Variants in TWNK observed in about 807,000 individuals in gnomAD.
The protein encoded by TWNK is twinkle mtDNA helicase, also known as T7 gp4-like protein with intramitochondrial nucleoid localization.
A neutral mutation model predicts 58.2 loss-of-function variants in TWNK; 36 were observed. The ratio of observed to expected loss-of-function variants is 0.62; its 90% CI spans 0.47 to 0.82. The LOEUF (loss-of-function observed/expected upper bound fraction) is 0.82, where lower values mean the gene tolerates loss of function less well. Among genes scored for constraint, TWNK ranks in the 40% least tolerant of loss-of-function variants. The pLI is 0.00. For missense variants in TWNK, 714 were observed against 881.0 expected, an observed-to-expected ratio of 0.81 and a Z score of 2.40; for synonymous variants, 349 against 348.5, an observed-to-expected ratio of 1.00 and a Z score of -0.02.
In TWNK at chr10:100,989,544, G is replaced by T; in HGVS notation, c.1243+91G>T. 1 of 1,609,450 alleles carries T rather than the reference G, an allele frequency of 6.2e-7. No homozygotes were observed. The highest frequency in any genetic ancestry group is 8.5e-7 in the Non-Finnish European group (1 of 1,178,402). On this transcript the variant is annotated intron_variant, in intron 1 of 4. Transcript: ENST00000311916. The surrounding 1 kb of genome is among the most constrained non-coding windows in gnomAD (Gnocchi z 7.6). ...GTTTGGGCCATGACAATGTTGAAAA[G>T]AAGGTTGGCCCTTTCCCCCCAGTTT...
At chr10:100,992,375 G>T (rs762210445) in intron 4 of TWNK, among the ~76,000 whole-genome samples, 1 of 149,442 alleles carries the variant, frequency 6.7e-6, no homozygotes, top group African/African-American at 2.5e-5. Context: ...CACCACACCC[G>T]CCTAATTTTT....
At chr10:100,991,706 G>A (rs570845899) in intron 4 of TWNK, among the ~76,000 whole-genome samples, 1 of 152,072 alleles carries the variant, frequency 6.6e-6, no homozygotes, top group African/African-American at 2.4e-5. Flanking sequence ...GTGAGACCCT[G>A]TCTCTACAAA....
In TWNK at chr10:100,993,590, T is replaced by C. The variant is rs1851847000; in HGVS notation, c.*80T>C. On this transcript the variant is annotated 3_prime_UTR_variant, in exon 5 of 5. Transcript: ENST00000311916. ...AAACTCTGCAAGGGCTCCTCTATCC[T>C]GTGGTCCTGAGCTGTGTGCCCTTCT... 6 of 1,488,136 alleles carry C rather than the reference T, an allele frequency of 4.0e-6. No individual in the cohort carries two copies. In the South Asian group the frequency reaches 7.0e-5, roughly 17 times the overall value. 92.2% of individuals were successfully genotyped at this position (1,488,136 alleles called of 1,614,324 possible).
Position 100,988,153 on chromosome 10 carries a change from G to A in TWNK, c.-58G>A. ...ATCCCTAGAGTTTGGTCTAGTGAAG[G>A]CACGCTAACCAGGCACCTAAGGCAT... is the stretch of plus-strand genomic sequence containing the variant. On this transcript the variant is annotated 5_prime_UTR_variant, in exon 1 of 5. Transcript: ENST00000311916. The surrounding 1 kb of genome is among the most constrained non-coding windows in gnomAD (Gnocchi z 5.2). The A allele has an allele frequency of 6.3e-7, 1 of 1,596,058 alleles. No individual in the cohort carries two copies. Among genetic ancestry groups the A allele is most frequent in the Non-Finnish European group, 8.6e-7 (1 of 1,165,308 alleles).
At position 100,988,032 on chromosome 10, in the gene TWNK, T is replaced by C; in HGVS notation, c.-179T>C. 8.2e-6 allele frequency: 6 copies of C among 733,436 alleles called. No individual in the cohort carries two copies. The Admixed American group carries it at 1.2e-4, about 15-fold the overall frequency. The allele number at this position is 733,436 out of a possible 1,614,324, so 45.4% of individuals were successfully genotyped here. On this transcript the variant is annotated 5_prime_UTR_variant, in exon 1 of 5. Transcript: ENST00000311916. The surrounding 1 kb of genome is among the most constrained non-coding windows in gnomAD (Gnocchi z 5.2). ...CGCGAAAGGGTCGTGTAGATGGGCATATGTGTGAAGCAGCAACGTAGAGGG... is the reference window on the plus strand; with the variant it reads ...CGCGAAAGGGTCGTGTAGATGGGCACATGTGTGAAGCAGCAACGTAGAGGG...
Position 100,990,888 on chromosome 10 carries a change from A to G in TWNK, c.1612A>G (p.Ile538Val), listed in dbSNP as rs1851752347. The part of the protein sequence containing the change: ...STDRIAAQDY[I>V]IGVFRKFATD... ...GCGTAGGATCGCAGCTCAAGACTAC[A>G]TCATCGGGGTCTTTCGGAAGTTTGC... The change falls in exon 4 of 5, where the codon ATC becomes GTC. Residue 538 changes from isoleucine (I) to valine (V), a missense_variant. This residue lies in a region of TWNK where 302 missense variants were observed against 438.6 expected (regional missense o/e 0.69). Transcript: ENST00000311916. 1.9e-6 allele frequency: 3 copies of G among 1,614,154 alleles called. No homozygotes were observed. In the African/African-American group the frequency reaches 4.0e-5, roughly 22 times the overall value.
At position 100,988,721 on chromosome 10, in the gene TWNK, G is replaced by C. The variant is rs2133935927; in HGVS notation, c.511G>C (p.Glu171Gln). 3 of 1,614,178 alleles carry C rather than the reference G, an allele frequency of 1.9e-6. No homozygotes were observed. Among genetic ancestry groups the C allele is most frequent in the East Asian group, 4.5e-5 (2 of 44,892 alleles). ...AIPLWELPDQ[E>Q]EVQLADTMFG... The stretch of plus-strand genomic sequence containing the variant: ...ACCTCTCTGGGAGCTGCCTGATCAG[G>C]AGGAGGTTCAGCTGGCTGATACAAT... The change falls in exon 1 of 5, where the codon GAG becomes CAG. Residue 171 changes from glutamate to glutamine, a missense_variant. Glu to Gln is a conservative substitution (Grantham distance 29). This residue lies in a region of TWNK where 348 missense variants were observed against 388.4 expected (regional missense o/e 0.90). Coordinates refer to ENST00000311916, the MANE Select transcript of TWNK (RefSeq NM_021830.5). The surrounding 1 kb of genome is among the most constrained non-coding windows in gnomAD (Gnocchi z 5.2).
chr10:100,990,801 T>A, intron 3 of TWNK, 68 bp from the exon 4 acceptor site: 2 of 1,595,632 alleles, frequency 1.3e-6, no homozygotes, highest in Non-Finnish European at 1.7e-6. Context: ...TGTGAATGGA[T>A]CAAGAGTATG....
Position 100,988,413 on chromosome 10 carries a change from G to C in TWNK, c.203G>C (p.Gly68Ala). Residue 68 changes from glycine to alanine, a missense_variant, in exon 1 of 5, where the codon GGG becomes GCG. Coordinates refer to ENST00000311916, the MANE Select transcript of TWNK (RefSeq NM_021830.5). The surrounding 1 kb of genome is among the most constrained non-coding windows in gnomAD (Gnocchi z 5.2). ...ATCCGCCAGTATTTGCGGGGGCATG[G>C]GATCCCCTTCCAGGATGGTCACAGT... ...TEIRQYLRGH[G>A]IPFQDGHSCL... 1 of 1,614,262 alleles carries C rather than the reference G, an allele frequency of 6.2e-7. No individual in the cohort carries two copies.
intron 4 of TWNK, among the ~76,000 whole-genome samples, chr10:100,992,313 A>C (rs1279304746): frequency 7.1e-6 from 1 of 140,938 alleles, no homozygotes; most frequent in African/African-American, 2.6e-5. Context: ...TCCCAGGTTC[A>C]AGTGATTCTC....
Position 100,989,223 on chromosome 10 carries a change from A to G in TWNK, c.1013A>G (p.Gln338Arg). 6.2e-7 allele frequency: 1 copy of G among 1,614,172 alleles called. No homozygotes were observed. Among genetic ancestry groups the G allele is most frequent in the Non-Finnish European group, 8.5e-7 (1 of 1,180,024 alleles). ...KRCFLVRPGD[Q>R]QPRPLEALNG... ...TGCTTCTTGGTGCGACCAGGAGACC[A>G]GCAACCCCGTCCCCTGGAGGCCCTG... is the stretch of plus-strand genomic sequence containing the variant. Residue 338 changes from glutamine to arginine, a missense_variant, in exon 1 of 5, where the codon CAG becomes CGG. By Grantham distance (43) the Gln-to-Arg change is conservative. Coordinates refer to ENST00000311916, the MANE Select transcript of TWNK (RefSeq NM_021830.5). The surrounding 1 kb of genome is among the most constrained non-coding windows in gnomAD (Gnocchi z 7.6).
Position 100,990,588 on chromosome 10 carries a change from A to C in TWNK, c.1592+45A>C, listed in dbSNP as rs201226725. ...TTGTCTAGCTTGAGCCCGCTTGGACATACAACACACACTTCTCAGGCAGCT... is the reference window on the plus strand; with the variant it reads ...TTGTCTAGCTTGAGCCCGCTTGGACCTACAACACACACTTCTCAGGCAGCT... On this transcript the variant is annotated intron_variant, in intron 3 of 4. Transcript: ENST00000311916. The C allele has an allele frequency of 6.9e-5, 112 of 1,613,356 alleles. 1 individual carries two copies. In the African/African-American group the frequency reaches 1.3e-3, roughly 18 times the overall value.
At position 100,989,351 on chromosome 10, in the gene TWNK, CTGTCAAA is replaced by C; in HGVS notation, c.1145_1151del (p.Ser382TrpfsTer19). ...GCTTCGGGAGGAGGTGCTAGGAGAA[CTGTCAAA>C]TGTGGAGCAAGCAGCTGGCCTCCGC... On this transcript the variant is annotated frameshift_variant, in exon 1 of 5. Transcript: ENST00000311916. LOFTEE classifies it high-confidence loss of function. This position sits in a 1 kb window ranked among gnomAD's most constrained non-coding sequence, Gnocchi z 7.6. 6.2e-7 allele frequency: 1 copy of C among 1,614,206 alleles called. No homozygotes were observed. The highest frequency in any genetic ancestry group is 8.5e-7 in the Non-Finnish European group (1 of 1,180,042).
Position 100,987,611 on chromosome 10 carries a change from G to A in TWNK, c.-600G>A. ...TGCCGGCGAAGTGGGAGAGAGAAAAGTGGTAACCTGGGGCTGGGGGCCGGC... is the reference window on the plus strand; with the variant it reads ...TGCCGGCGAAGTGGGAGAGAGAAAAATGGTAACCTGGGGCTGGGGGCCGGC... On this transcript the variant is annotated 5_prime_UTR_variant, in exon 1 of 5. In the 5' UTR this introduces an upstream ATG that the reference lacks. Coordinates refer to ENST00000311916, the MANE Select transcript of TWNK (RefSeq NM_021830.5). The A allele has an allele frequency of 9.8e-7, 1 of 1,020,428 alleles. No homozygotes were observed. Among genetic ancestry groups the A allele is most frequent in the Non-Finnish European group, 1.4e-6 (1 of 720,240 alleles). The allele number at this position is 1,020,428 out of a possible 1,614,324, so 63.2% of individuals were successfully genotyped here.
chr10:100,988,188 T>C lies in TWNK; in HGVS notation c.-23T>C, dbSNP rs566444680. On this transcript the variant is annotated 5_prime_UTR_variant, in exon 1 of 5. Transcript: ENST00000311916. The surrounding 1 kb of genome is among the most constrained non-coding windows in gnomAD (Gnocchi z 5.2). The stretch of plus-strand genomic sequence containing the variant: ...CAGGCACCTAAGGCATTTCAAGTAG[T>C]GACTTCCCACATTTGGCTAGGAATG... The C allele has an allele frequency of 1.2e-6, 2 of 1,613,506 alleles. No homozygotes were observed. Among genetic ancestry groups the C allele is most frequent in the East Asian group, 4.5e-5 (2 of 44,892 alleles).
Position 100,989,477 on chromosome 10 carries a change from TTAGAG to T in TWNK, c.1243+27_1243+31del, listed in dbSNP as rs535471951. Reference sequence around the variant, plus strand: ...AGGTAACCCTTTGAGAAATCACTACTTAGAGTAAAGGGGCAGAAGATCAGGTGACA... The same window carrying T: ...AGGTAACCCTTTGAGAAATCACTACTTAAAGGGGCAGAAGATCAGGTGACA... On this transcript the variant is annotated intron_variant, in intron 1 of 4. Coordinates refer to ENST00000311916, the MANE Select transcript of TWNK (RefSeq NM_021830.5). The surrounding 1 kb of genome is among the most constrained non-coding windows in gnomAD (Gnocchi z 7.6). 4 of 1,612,524 alleles carry T rather than the reference TTAGAG, an allele frequency of 2.5e-6. No homozygotes were observed. Among genetic ancestry groups the T allele is most frequent in the African/African-American group, 1.3e-5 (1 of 74,892 alleles).
chr10:100,993,158 C>G (rs1231882341), intron 4 of TWNK, 32 bp from the exon 5 acceptor site: 1 of 1,611,724 alleles, frequency 6.2e-7, no homozygotes, highest in Non-Finnish European at 8.5e-7. Flanking sequence ...CCTCTTACTC[C>G]TGCTTTCCTC....
Position 100,989,608 on chromosome 10 carries a change from T to A in TWNK, c.1244-36T>A, listed in dbSNP as rs886780728. On this transcript the variant is annotated intron_variant, in intron 1 of 4. Transcript: ENST00000311916. The surrounding 1 kb of genome is among the most constrained non-coding windows in gnomAD (Gnocchi z 7.6). ...TATGTCTTGGTTTCAAGGGTAGGAC[T>A]TCCTCCTCACCCAGGTCTGTTCCAC... The A allele has an allele frequency of 6.2e-7, 1 of 1,613,376 alleles. No homozygotes were observed.
At position 100,991,469 on chromosome 10, in the gene TWNK, T is replaced by C. The variant is rs145183696; in HGVS notation, c.1734+459T>C. 3.3e-5 allele frequency among the ~76,000 whole-genome samples: 5 copies of C among 152,286 alleles called. No individual in the cohort carries two copies. The East Asian group carries it at 9.6e-4, about 29-fold the overall frequency. On this transcript the variant is annotated intron_variant, in intron 4 of 4. Coordinates refer to ENST00000311916, the MANE Select transcript of TWNK (RefSeq NM_021830.5). ...AGCCCAATCCTGGAGCTTCTAGTGT[T>C]ACACTGAATGCCTATTACATACGAG...
Sources: allele counts gnomAD v4.1 joint callset (sites outside exome capture counted in the v4.1 genomes callset), GRCh38; gene constraint gnomAD v4.1.1; regional missense constraint gnomAD v4.1.1; non-coding constraint Gnocchi (gnomAD v3.1); transcripts MANE v1.5; gene names NCBI Gene and HGNC (gene_info 2026-07-23, HGNC 2026-07-21).